The following RYR2 variants were observed in gnomAD, a reference collection of about 807,000 sequenced individuals.
The protein encoded by RYR2 is cardiac muscle ryanodine receptor-calcium release channel.
In RYR2, 227 loss-of-function variants were observed where a neutral mutation model predicts 601.1. The ratio of observed to expected loss-of-function variants is 0.38; its 90% CI spans 0.34 to 0.42. The LOEUF is 0.42. Ranked by LOEUF, RYR2 falls within the 10% of genes least tolerant of loss-of-function variation. RYR2 has a pLI of 1.00. For missense variants in RYR2, 4,646 were observed against 6,156.5 expected, an observed-to-expected ratio of 0.75 and a Z score of 8.21; for synonymous variants, 2,223 against 2,175.1, an observed-to-expected ratio of 1.02 and a Z score of -0.61.
At chr1:237,105,724 C>G (rs956643034) in intron 1 of RYR2, among the ~76,000 whole-genome samples, 1 of 150,466 alleles carries the variant, frequency 6.6e-6, no homozygotes, top group African/African-American at 2.4e-5. Flanking sequence ...GTCCCAACTA[C>G]TTGGGAGGCT....
chr1:237,687,078 T>G (rs1206912718), intron 62 of RYR2, among the ~76,000 whole-genome samples: 1 of 152,194 alleles, frequency 6.6e-6, no homozygotes, highest in Non-Finnish European at 1.5e-5. Context: ...GTTTCAGTGG[T>G]ACATTTGGGC....
In RYR2 at chr1:237,654,402, C is replaced by A; in HGVS notation, c.7953C>A (p.Ala2651=). The change falls in exon 52 of 105, where the codon GCC becomes GCA. Residue 2651 remains alanine (A), a synonymous_variant. Coordinates refer to ENST00000366574, the MANE Select transcript of RYR2 (RefSeq NM_001035.3). ...SRKLFWGIFD[A]LSQKKYEQEL... The stretch of plus-strand genomic sequence containing the variant: ...AGTTGTTCTGGGGCATTTTTGATGC[C>A]CTGTCTCAAAAGGTAATTTAATGGT... 6.2e-7 allele frequency: 1 copy of A among 1,613,570 alleles called. No individual in the cohort carries two copies. The highest frequency in any genetic ancestry group is 1.1e-5 in the South Asian group (1 of 91,034).
At chr1:237,306,663 T>C (rs1693899366) in intron 2 of RYR2, among the ~76,000 whole-genome samples, 1 of 152,208 alleles carries the variant, frequency 6.6e-6, no homozygotes, top group African/African-American at 2.4e-5. Flanking sequence ...TTAGTTTTCA[T>C]GATTTAAGTT....
chr1:237,648,710 T>C (rs1053439496), intron 49 of RYR2, 97 bp downstream of exon 49: 38 of 1,330,598 alleles, frequency 2.9e-5, no homozygotes, highest in Non-Finnish European at 3.7e-5. Context: ...TTATTGACAA[T>C]GAATGTTTAT....
At chr1:237,592,790 G>T (rs1199719431) in intron 32 of RYR2, among the ~76,000 whole-genome samples, 2 of 152,068 alleles carry the variant, frequency 1.3e-5, no homozygotes, top group Non-Finnish European at 2.9e-5. Context: ...GGAGGCTGAG[G>T]CAGGTGGATC....
intron 17 of RYR2, among the ~76,000 whole-genome samples, chr1:237,474,689 A>T (rs1429883274): frequency 6.6e-6 from 1 of 152,088 alleles, no homozygotes; most frequent in African/African-American, 2.4e-5. Context: ...TGCTTCCCAA[A>T]GAAAGCCTTT....
At chr1:237,044,185 GT>G (rs4006365) in intron 1 of RYR2, among the ~76,000 whole-genome samples, 2,565 of 150,432 alleles carry the variant, frequency 0.017, 66 homozygotes, top group African/African-American at 0.05. Flanking sequence ...GACTATAAGG[GT>G]TTTTTTTTTT....
intron 25 of RYR2, among the ~76,000 whole-genome samples, chr1:237,539,329 T>C (rs938498344): frequency 1.3e-5 from 2 of 152,216 alleles, no homozygotes; most frequent in Non-Finnish European, 2.9e-5. Context: ...GTGTAACTAT[T>C]AGAAATATGG....
At chr1:237,293,901 A>G (rs73125471) in intron 2 of RYR2, among the ~76,000 whole-genome samples, 1,601 of 152,264 alleles carry the variant, frequency 0.011, 26 homozygotes, top group African/African-American at 0.034. Flanking sequence ...GTCAACCTTC[A>G]GCCCCTCTAT....
intron 2 of RYR2, among the ~76,000 whole-genome samples, chr1:237,291,550 T>C (rs74665051): frequency 0.049 from 7,506 of 152,234 alleles, 278 homozygotes; most frequent in Non-Finnish European, 0.073. Flanking sequence ...TGTCCATCAG[T>C]AGGTGAACAA....
intron 10 of RYR2, among the ~76,000 whole-genome samples, chr1:237,402,027 G>T (rs1008835216): frequency 4.6e-5 from 7 of 152,146 alleles, no homozygotes; most frequent in Non-Finnish European, 8.8e-5. Context: ...CTTGACTAAA[G>T]ATCAAGAGCA....
intron 27 of RYR2, among the ~76,000 whole-genome samples, chr1:237,554,082 AG>A (rs1434920183): frequency 2.0e-5 from 3 of 151,186 alleles, no homozygotes; most frequent in African/African-American, 7.4e-5. Flanking sequence ...TCTGCCTTAT[AG>A]GGGGAAAGTT....
chr1:237,252,548 G>A (rs1054068326), intron 1 of RYR2, among the ~76,000 whole-genome samples: 20 of 152,094 alleles, frequency 1.3e-4, no homozygotes, highest in African/African-American at 4.6e-4. Flanking sequence ...TAAGCTCCAT[G>A]GGTGTAAGAA....
intron 1 of RYR2, among the ~76,000 whole-genome samples, chr1:237,105,813 C>T (rs112502023): frequency 4.7e-3 from 594 of 126,698 alleles, no homozygotes; most frequent in Non-Finnish European, 5.9e-3. Context: ...CCAGCCTGGG[C>T]GACAAAGCGA....
chr1:237,735,959 A>G (rs61830281), intron 79 of RYR2, among the ~76,000 whole-genome samples: 6,075 of 152,314 alleles, frequency 0.04, 159 homozygotes, highest in South Asian at 0.11. Flanking sequence ...ATTTATAGAA[A>G]CATAAAACTG....
Position 237,654,318 on chromosome 1 carries a change from G to T in RYR2, c.7869G>T (p.Leu2623=). 1.2e-6 allele frequency: 2 copies of T among 1,613,958 alleles called. No individual in the cohort carries two copies. The highest frequency in any genetic ancestry group is 1.7e-6 in the Non-Finnish European group (2 of 1,179,870). ...HYERCWKYYC[L]PGGWGNFGAA... is the part of the protein sequence containing the mutation. Reference sequence around the variant, plus strand: ...AAAGATGCTGGAAATATTACTGCCTGCCTGGAGGGTGGGGAAACTTTGGTG... The same window carrying T: ...AAAGATGCTGGAAATATTACTGCCTTCCTGGAGGGTGGGGAAACTTTGGTG... The change falls in exon 52 of 105, where the codon CTG becomes CTT. Residue 2623 remains leucine (L), a synonymous_variant. Coordinates refer to ENST00000366574, the MANE Select transcript of RYR2 (RefSeq NM_001035.3).
At chr1:237,344,479 T>G (rs1288943095) in intron 3 of RYR2, among the ~76,000 whole-genome samples, 7 of 152,174 alleles carry the variant, frequency 4.6e-5, no homozygotes, top group African/African-American at 1.7e-4. Flanking sequence ...GTATATATTC[T>G]CCACATTCTT....
chr1:237,669,912 C>T (rs866778414), intron 58 of RYR2, among the ~76,000 whole-genome samples: 143 of 152,096 alleles, frequency 9.4e-4, no homozygotes, highest in South Asian at 1.9e-3. Context: ...GCTGCAATCT[C>T]GGCATTTTGG....
At chr1:237,218,004 A>G (rs1222878044) in intron 1 of RYR2, among the ~76,000 whole-genome samples, 1 of 152,208 alleles carries the variant, frequency 6.6e-6, no homozygotes, top group Non-Finnish European at 1.5e-5. Flanking sequence ...GTACCTTGAT[A>G]TGCAGGGGTG....
Sources: gnomAD v4.1 joint callset for allele counts (sites outside exome capture counted in the v4.1 genomes callset) on GRCh38, gnomAD v4.1.1 for gene constraint, MANE v1.5 for transcripts, NCBI Gene and HGNC (gene_info 2026-07-23, HGNC 2026-07-21) for gene names.